Variants in BCL2L13 observed in about 807,000 individuals in gnomAD.
BCL2L13 encodes bcl-2-like protein 13.
BCL2L13 carries 13 observed loss-of-function variants against 25.8 expected under a neutral mutation model. That is an observed-to-expected ratio of 0.50 (90% CI 0.33 to 0.80). The LOEUF (loss-of-function observed/expected upper bound fraction) is 0.80, where lower values mean the gene tolerates loss of function less well. BCL2L13 is among the 30% of genes least tolerant of loss of function. The pLI, the probability that BCL2L13 is intolerant of heterozygous loss-of-function variation, is 0.02. For synonymous variants in BCL2L13, 244 were observed against 230.3 expected, an observed-to-expected ratio of 1.06 and a Z score of -0.54; for missense variants, 504 against 574.9, an observed-to-expected ratio of 0.88 and a Z score of 1.26.
Position 17,727,379 on chromosome 22 carries a change from C to T in BCL2L13, c.1303C>T (p.Pro435Ser), listed in dbSNP as rs139273724. 3 of 1,614,098 alleles carry T rather than the reference C, an allele frequency of 1.9e-6. No homozygotes were observed. Among genetic ancestry groups the T allele is most frequent in the Non-Finnish European group, 2.5e-6 (3 of 1,180,044 alleles). ...CCCTGCCAGCGAGAAGAAGCCCGTG[C>T]CGCCGTCTGAGGGCAAGTCTAGACT... ...LSPASEKKPV[P>S]PSEGKSRLSP... The change falls in exon 7 of 7, where the codon CCG (proline) becomes TCG (serine). Residue 435 changes from proline to serine, a missense_variant. Transcript: ENST00000317582.
chr22:17,658,139 A>G (rs554664928), intron 2 of BCL2L13, among the ~76,000 whole-genome samples: 2 of 150,560 alleles, frequency 1.3e-5, no homozygotes, highest in African/African-American at 2.5e-5. Flanking sequence ...TTATCGTCCA[A>G]TTCACCCTTT....
chr22:17,681,914 T>C (rs1164817980), intron 2 of BCL2L13, among the ~76,000 whole-genome samples: 2 of 152,164 alleles, frequency 1.3e-5, no homozygotes, highest in Non-Finnish European at 2.9e-5. Context: ...TAGTAATACC[T>C]ATCTCAAAGG....
chr22:17,686,593 C>T (rs2059947386), intron 3 of BCL2L13, among the ~76,000 whole-genome samples: 1 of 150,474 alleles, frequency 6.6e-6, no homozygotes, highest in African/African-American at 2.4e-5. Context: ...TCACTGCAAC[C>T]TCCGCCTCCC....
chr22:17,673,977 A>G (rs1308554643), intron 2 of BCL2L13, among the ~76,000 whole-genome samples: 1 of 152,140 alleles, frequency 6.6e-6, no homozygotes, highest in Non-Finnish European at 1.5e-5. Context: ...AAGTATTTGA[A>G]TATTTTTTTA....
intron 2 of BCL2L13, among the ~76,000 whole-genome samples, chr22:17,679,423 C>T (rs958265214): frequency 6.6e-6 from 1 of 151,880 alleles, no homozygotes; most frequent in East Asian, 1.9e-4. Flanking sequence ...GCGCCTGCCA[C>T]CATGCCTAGC....
upstream of BCL2L13, chr22:17,637,987 T>C (rs972634680): frequency 6.6e-6 from 1 of 152,280 alleles, no homozygotes; most frequent in Non-Finnish European, 1.5e-5. Flanking sequence ...TTTTATCACT[T>C]CTGATCTGGC....
chr22:17,681,836 G>T (rs9605382), intron 2 of BCL2L13, among the ~76,000 whole-genome samples: 1 of 152,130 alleles, frequency 6.6e-6, no homozygotes, highest in Non-Finnish European at 1.5e-5. Flanking sequence ...TCTGAGCTCT[G>T]CTGTTGGTGC....
chr22:17,712,923 G>T (rs969932008), intron 6 of BCL2L13, among the ~76,000 whole-genome samples: 2 of 152,142 alleles, frequency 1.3e-5, no homozygotes, highest in African/African-American at 2.4e-5. Flanking sequence ...TGGATGAAGC[G>T]ATTTACCTTA....
intron 1 of BCL2L13, among the ~76,000 whole-genome samples, chr22:17,652,732 C>T (rs2058727052): frequency 6.6e-6 from 1 of 152,132 alleles, no homozygotes; most frequent in African/African-American, 2.4e-5. Context: ...GCCATCGTGC[C>T]CGGCCATCAG....
intron 2 of BCL2L13, among the ~76,000 whole-genome samples, chr22:17,659,608 C>A (rs940790212): frequency 6.9e-6 from 1 of 145,184 alleles, no homozygotes; most frequent in African/African-American, 2.4e-5. Context: ...TTGCAGTGAA[C>A]CGAGATCATG....
chr22:17,679,715 C>T (rs1445564497), intron 2 of BCL2L13, among the ~76,000 whole-genome samples: 1 of 152,068 alleles, frequency 6.6e-6, no homozygotes, highest in African/African-American at 2.4e-5. Context: ...GCTTTTAAAG[C>T]TTTAAAAGGA....
intron 6 of BCL2L13, among the ~76,000 whole-genome samples, chr22:17,722,378 GGTGTGTGTGTGTGTGTGTGTGT>G (rs71315401): frequency 8.2e-6 from 1 of 122,066 alleles, no homozygotes; most frequent in Non-Finnish European, 1.6e-5. Flanking sequence ...AGACTACAGG[GGTGTGTGTGTGTGTGTGTGTGT>G]GTGTGTGTGT....
intron 2 of BCL2L13, among the ~76,000 whole-genome samples, chr22:17,668,452 G>A (rs2059307167): frequency 7.1e-6 from 1 of 141,634 alleles, no homozygotes; most frequent in Non-Finnish European, 1.6e-5. Flanking sequence ...TTTGATCTGT[G>A]TTTTTTTTTT....
chr22:17,684,420 A>G (rs1473869615), intron 3 of BCL2L13, among the ~76,000 whole-genome samples: 1 of 152,244 alleles, frequency 6.6e-6, no homozygotes, highest in Non-Finnish European at 1.5e-5. Context: ...AAAGAAACAC[A>G]ATACACATTA....
intron 6 of BCL2L13, among the ~76,000 whole-genome samples, chr22:17,713,603 A>C (rs986127415): frequency 2.6e-5 from 4 of 151,724 alleles, no homozygotes; most frequent in Admixed American, 2.0e-4. Context: ...CTGGGACTAC[A>C]GGCATGCACC....
In BCL2L13 at chr22:17,681,226, G is replaced by C. The variant is rs1601634551; in HGVS notation, c.122-1988G>C. On this transcript the variant is annotated intron_variant, in intron 2 of 6. Coordinates refer to ENST00000317582, the MANE Select transcript of BCL2L13 (RefSeq NM_015367.4). ...CGGGGAAAGAAGGAGAATTAGATGG[G>C]CTGGGCGCAGTGGCTCACACCTGTA... is the stretch of plus-strand genomic sequence containing the variant. Among the ~76,000 whole-genome samples, 4 of 152,260 alleles carry C rather than the reference G, an allele frequency of 2.6e-5. No individual in the cohort carries two copies. In the South Asian group the frequency reaches 8.3e-4, roughly 32 times the overall value.
At chr22:17,635,583 T>C (rs748703780), upstream of BCL2L13, among the ~76,000 whole-genome samples, 3 of 152,138 alleles carry the variant, frequency 2.0e-5, no homozygotes, top group Non-Finnish European at 4.4e-5. Flanking sequence ...ATGTCTAGTC[T>C]CAAAATATAT....
intron 1 of BCL2L13, among the ~76,000 whole-genome samples, chr22:17,631,666 GTGTGTATATATA>G (rs1210392577): frequency 1.4e-4 from 3 of 21,422 alleles, no homozygotes; most frequent in African/African-American, 5.0e-4. Flanking sequence ...GTATGTGTGT[GTGTGTATATATA>G]TATATATATA....
intron 4 of BCL2L13, among the ~76,000 whole-genome samples, chr22:17,693,372 G>GTTTGTTTTTTTTT (rs1284865411): frequency 1.4e-5 from 1 of 70,612 alleles, no homozygotes; most frequent in African/African-American, 5.2e-5. Context: ...TTTAGTGTTT[G>GTTTGTTTTTTTTT]TTTTTTTTTT....
Sources: gnomAD v4.1 joint callset for allele counts (sites outside exome capture counted in the v4.1 genomes callset) on GRCh38, gnomAD v4.1.1 for gene constraint, MANE v1.5 for transcripts, NCBI Gene and HGNC (gene_info 2026-07-23, HGNC 2026-07-21) for gene names.